NAE1: variants seen among roughly 807,000 people sequenced by gnomAD.
NAE1 encodes the protein NEDD8 activating enzyme E1 subunit 1.
NAE1 carries 59 observed loss-of-function variants against 88.0 expected under a neutral mutation model. That is an observed-to-expected ratio of 0.67 (90% CI 0.54 to 0.83). The LOEUF (loss-of-function observed/expected upper bound fraction) is 0.83. Ranked by LOEUF, NAE1 falls within the 40% of genes least tolerant of loss-of-function variation. NAE1 has a pLI of 0.00. For synonymous variants in NAE1, 186 were observed against 208.9 expected (o/e 0.89, Z 0.95); for missense variants, 554 against 632.8 (o/e 0.88, Z 1.34).
chr16:66,821,652 C>A, intron 6 of NAE1, 93 bp from the exon 7 acceptor site: 3 of 1,051,302 alleles, frequency 2.9e-6, no homozygotes, highest in Non-Finnish European at 3.9e-6. Flanking sequence ...CTTACAGCAA[C>A]TTTCTTACTA....
chr16:66,824,035 C>A (rs1297665342), intron 4 of NAE1, among the ~76,000 whole-genome samples: 1 of 152,204 alleles, frequency 6.6e-6, no homozygotes, highest in African/African-American at 2.4e-5. Flanking sequence ...CTGCTCCCAG[C>A]CAATTCTGCT....
intron 3 of NAE1, chr16:66,826,167 C>A: frequency 8.5e-6 from 2 of 236,364 alleles, no homozygotes; most frequent in Non-Finnish European, 1.7e-5. Context: ...AGAGAGATAC[C>A]CCTAGACTAA....
intron 3 of NAE1, 91 bp downstream of exon 3, chr16:66,826,432 G>T (rs1399131256): frequency 8.4e-7 from 1 of 1,194,684 alleles, no homozygotes; most frequent in Admixed American, 1.9e-5. Flanking sequence ...GATTTCCACT[G>T]AGAGTCGAGT....
intron 19 of NAE1, among the ~76,000 whole-genome samples, chr16:66,804,007 G>A (rs920165086): frequency 2.7e-5 from 4 of 148,632 alleles, no homozygotes; most frequent in African/African-American, 9.7e-5. Flanking sequence ...TTAGCAGCAA[G>A]AGAGAGAGAA....
At chr16:66,821,050 C>T (rs1960237561) in intron 7 of NAE1, among the ~76,000 whole-genome samples, 1 of 152,048 alleles carries the variant, frequency 6.6e-6, no homozygotes, top group Middle Eastern at 3.2e-3. Context: ...GCCTGGGCAA[C>T]AAGAGCGAAA....
rs371007557 is a variant in NAE1 at position 66,824,847 on chromosome 16, T to C, written c.249+8A>G. The C allele has an allele frequency of 1.2e-6, 2 of 1,608,162 alleles. No individual in the cohort carries two copies. The highest frequency in any genetic ancestry group is 4.5e-5 in the East Asian group (2 of 44,726). ...GCTCACATCCAACTATATTCTCTAA[T>C]TGTTTACCTTGCCGATACTGCTTCT... is the stretch of plus-strand genomic sequence containing the variant. On this transcript the variant is annotated splice_region_variant and intron_variant, in intron 4 of 19. Coordinates refer to ENST00000290810, the MANE Select transcript of NAE1 (RefSeq NM_003905.4).
At chr16:66,810,613 G>C (rs1959756064) in intron 14 of NAE1, 84 bp downstream of exon 14, 4 of 1,287,342 alleles carry the variant, frequency 3.1e-6, no homozygotes, top group Non-Finnish European at 4.5e-6. Context: ...CACAGAGGCA[G>C]TGCCACACCC....
intron 7 of NAE1, among the ~76,000 whole-genome samples, chr16:66,819,616 CA>C (rs1236917253): frequency 6.6e-6 from 1 of 152,170 alleles, no homozygotes; most frequent in Admixed American, 6.5e-5. Context: ...GGTATATTTG[CA>C]AATACATATT....
intron 6 of NAE1, 33 bp downstream of exon 6, chr16:66,823,194 T>G: frequency 7.4e-7 from 1 of 1,349,318 alleles, no homozygotes; most frequent in Non-Finnish European, 1.0e-6. Flanking sequence ...TCTAATAAGA[T>G]TAAAATAAAA....
chr16:66,808,915 C>G, intron 16 of NAE1, 74 bp downstream of exon 16: 1 of 1,012,332 alleles, frequency 9.9e-7, no homozygotes, highest in Non-Finnish European at 1.4e-6. Flanking sequence ...ATACTCAACA[C>G]TATTATACAC....
intron 1 of NAE1, among the ~76,000 whole-genome samples, chr16:66,829,797 T>G (rs1355640993): frequency 6.6e-6 from 1 of 152,218 alleles, no homozygotes; most frequent in African/African-American, 2.4e-5. Context: ...TTAAGGTAGC[T>G]GCTAGCCACA....
chr16:66,817,583 C>A, intron 8 of NAE1, 96 bp from the exon 9 acceptor site: 1 of 833,552 alleles, frequency 1.2e-6, no homozygotes. Flanking sequence ...TTATGATCTC[C>A]TAATATATGC....
At chr16:66,808,859 GAATAA>G in intron 16 of NAE1, 125 bp downstream of exon 16, 1 of 646,922 alleles carries the variant, frequency 1.5e-6, no homozygotes, top group Non-Finnish European at 2.5e-6. Context: ...GATAAGCTTA[GAATAA>G]AATTAGAATA....
intron 14 of NAE1, 94 bp downstream of exon 14, chr16:66,810,603 C>T: frequency 8.3e-7 from 1 of 1,201,528 alleles, no homozygotes; most frequent in Non-Finnish European, 1.2e-6. Context: ...TCTAAAGAAG[C>T]ACAGAGGCAG....
chr16:66,804,253 AAAC>A (rs970328571), intron 19 of NAE1, among the ~76,000 whole-genome samples: 4 of 151,952 alleles, frequency 2.6e-5, no homozygotes, highest in Non-Finnish European at 4.4e-5. Context: ...AAAAAAAAAA[AAAC>A]AAAGAAAACC....
intron 3 of NAE1, among the ~76,000 whole-genome samples, chr16:66,825,182 T>C (rs985696288): frequency 6.6e-6 from 1 of 152,078 alleles, no homozygotes; most frequent in African/African-American, 2.4e-5. Flanking sequence ...GTGTGGTGGC[T>C]CATGCCTGTA....
chr16:66,825,384 T>C (rs985748473), intron 3 of NAE1, among the ~76,000 whole-genome samples: 2 of 151,558 alleles, frequency 1.3e-5, no homozygotes, highest in Admixed American at 6.6e-5. Context: ...GAGGCAGAGC[T>C]TGCAGTGAGC....
chr16:66,815,662 CTTTT>C (rs80325903), intron 11 of NAE1, among the ~76,000 whole-genome samples: 1 of 139,266 alleles, frequency 7.2e-6, no homozygotes, highest in Non-Finnish European at 1.6e-5. Context: ...CCAGCAAACA[CTTTT>C]TTTTTTTTTT....
intron 17 of NAE1, among the ~76,000 whole-genome samples, chr16:66,807,805 G>A (rs1416614499): frequency 1.3e-5 from 2 of 152,074 alleles, no homozygotes; most frequent in African/African-American, 4.8e-5. Context: ...TTGAGATTAT[G>A]CCAATTCTCC....
Sources: gnomAD v4.1 joint callset for allele counts (sites outside exome capture counted in the v4.1 genomes callset) on GRCh38, gnomAD v4.1.1 for gene constraint, MANE v1.5 for transcripts, NCBI Gene and HGNC (gene_info 2026-07-23, HGNC 2026-07-21) for gene names.